Variants in TBC1D17 observed in about 807,000 individuals in gnomAD.
TBC1D17 encodes TBC1 domain family, member 17.
TBC1D17 carries 69 observed loss-of-function variants against 78.8 expected under a neutral mutation model. The observed-to-expected ratio is 0.88, with a 90% CI of 0.72 to 1.07. TBC1D17 has a LOEUF of 1.07. Among genes scored for constraint, TBC1D17 ranks in the 50% least tolerant of loss-of-function variants. The pLI is 0.00. For synonymous variants in TBC1D17, 456 were observed against 358.3 expected (o/e 1.27, Z -3.08); for missense variants, 957 against 861.0 (o/e 1.11, Z -1.39).
intron 3 of TBC1D17, 108 bp downstream of exon 3, chr19:49,878,680 T>C (rs1051369226): frequency 1.3e-5 from 13 of 1,032,816 alleles, no homozygotes; most frequent in Non-Finnish European, 1.9e-5. Flanking sequence ...TCGTGGGGCA[T>C]GTGTGACCCT....
At chr19:49,878,083 G>T in intron 1 of TBC1D17, 60 bp from the exon 2 acceptor site, 1 of 1,398,526 alleles carries the variant, frequency 7.2e-7, no homozygotes. Context: ...CGTCCCTATT[G>T]GCTCCCCAGG....
At chr19:49,879,347 C>T (rs1308548767) in intron 3 of TBC1D17, 6 of 152,320 alleles carry the variant, frequency 3.9e-5, no homozygotes, top group African/African-American at 1.4e-4. Flanking sequence ...TCGGCACCCA[C>T]AGAGCTAGTG....
At chr19:49,878,635 T>C in intron 3 of TBC1D17, 63 bp downstream of exon 3, 1 of 1,506,938 alleles carries the variant, frequency 6.6e-7, no homozygotes, top group Admixed American at 1.7e-5. Flanking sequence ...CTGTTGTAAG[T>C]CATTTGAGGG....
intron 3 of TBC1D17, among the ~76,000 whole-genome samples, chr19:49,880,010 T>A (rs967230183): frequency 6.6e-6 from 1 of 151,960 alleles, no homozygotes; most frequent in Non-Finnish European, 1.5e-5. Flanking sequence ...TGCGCCACCA[T>A]GCCTGGCTAA....
rs764765298 is a variant in TBC1D17, at chr19:49,887,868, C to G, written c.1659+34C>G. The G allele has an allele frequency of 2.6e-5, 40 of 1,547,738 alleles. No individual in the cohort carries two copies. The South Asian group carries it at 2.8e-4, about 11-fold the overall frequency. ...CCGGCCCCGCCCCCGCCCTGTCCCC[C>G]CTGAGCTGGGCGCTGCCCAGGGCCG... is the stretch of plus-strand genomic sequence containing the variant. On this transcript the variant is annotated intron_variant, in intron 15 of 16. Coordinates refer to ENST00000221543, the MANE Select transcript of TBC1D17 (RefSeq NM_024682.3).
intron 1 of TBC1D17, 77 bp from the exon 2 acceptor site, chr19:49,878,066 C>G: frequency 7.9e-7 from 1 of 1,258,264 alleles, no homozygotes; most frequent in Non-Finnish European, 1.1e-6. Context: ...TGGCTCCTCC[C>G]TGGGCCCGTC....
chr19:49,886,195 A>C (rs1367462864), intron 13 of TBC1D17, among the ~76,000 whole-genome samples: 1 of 151,886 alleles, frequency 6.6e-6, no homozygotes, highest in Non-Finnish European at 1.5e-5. Flanking sequence ...CAGGAGAATC[A>C]CTTGAGCCAA....
In TBC1D17 at chr19:49,881,395, T is replaced by C; in HGVS notation, c.447T>C (p.Gly149=). Residue 149 remains glycine (G), a synonymous_variant, in exon 5 of 17, where the codon GGT becomes GGC. Coordinates refer to ENST00000221543, the MANE Select transcript of TBC1D17 (RefSeq NM_024682.3). The part of the protein sequence containing the change: ...AYLVLVTQAG[G]SLPALHFHRG... ...TGGTTCTGGTGACCCAGGCTGGAGG[T>C]TCCCTGCCCGCACTGCACTTCCACC... 1.2e-6 allele frequency: 2 copies of C among 1,612,670 alleles called. No homozygotes were observed. The highest frequency in any genetic ancestry group is 1.7e-6 in the Non-Finnish European group (2 of 1,179,894).
At chr19:49,887,675 C>G (rs1286087818) in intron 14 of TBC1D17, 43 bp from the exon 15 acceptor site, 1 of 1,609,544 alleles carries the variant, frequency 6.2e-7, no homozygotes, top group Non-Finnish European at 8.5e-7. Context: ...CAGGCCCAGG[C>G]TGGGCTATGA....
At chr19:49,879,603 GTTTTTTTTT>G (rs60597315) in intron 3 of TBC1D17, 1 of 139,236 alleles carries the variant, frequency 7.2e-6, no homozygotes, top group Non-Finnish European at 1.6e-5. Context: ...TGTTGTTATT[GTTTTTTTTT>G]TTTTTTTTTG....
chr19:49,884,781 C>G (rs749561989), intron 13 of TBC1D17, 23 bp downstream of exon 13: 1 of 1,608,004 alleles, frequency 6.2e-7, no homozygotes, highest in Non-Finnish European at 8.5e-7. Context: ...GGAGGGTGGG[C>G]AGGAGACAAT....
At position 49,888,729 on chromosome 19, in the gene TBC1D17, A is replaced by G. The variant is rs1490595002; in HGVS notation, c.*105A>G. 9.4e-7 allele frequency: 1 copy of G among 1,068,938 alleles called. No homozygotes were observed. Among genetic ancestry groups the G allele is most frequent in the African/African-American group, 1.6e-5 (1 of 61,880 alleles). The allele number at this position is 1,068,938 out of a possible 1,614,324, so 66.2% of individuals were successfully genotyped here. ...GCCCTGCTGATAAGCTGGCTTCATT[A>G]AACTGACACTTCTCATGTGCAGTTG... is the stretch of plus-strand genomic sequence containing the variant. On this transcript the variant is annotated 3_prime_UTR_variant, in exon 17 of 17. Transcript: ENST00000221543.
chr19:49,882,165 A>C lies in TBC1D17; in HGVS notation c.639+13A>C. ...CAATGTGGTGTCAGTGAGTGTCCCC[A>C]GCAGGAGGCCTGGCGGGTGTGGGCA... On this transcript the variant is annotated intron_variant, in intron 6 of 16. Coordinates refer to ENST00000221543, the MANE Select transcript of TBC1D17 (RefSeq NM_024682.3). 23 of 1,613,934 alleles carry C rather than the reference A, an allele frequency of 1.4e-5. No individual in the cohort carries two copies. The highest frequency in any genetic ancestry group is 1.9e-5 in the Non-Finnish European group (23 of 1,179,956).
At chr19:49,885,674 A>T (rs566439316) in intron 13 of TBC1D17, 33 of 151,436 alleles carry the variant, frequency 2.2e-4, no homozygotes, top group African/African-American at 8.0e-4. Context: ...AAAAAGATTT[A>T]AAAATTAGCC....
Position 49,881,357 on chromosome 19 carries a change from A to G in TBC1D17, c.409A>G (p.Ser137Gly). 1.2e-6 allele frequency: 2 copies of G among 1,613,396 alleles called. No individual in the cohort carries two copies. The highest frequency in any genetic ancestry group is 1.7e-6 in the Non-Finnish European group (2 of 1,180,000). Residue 137 changes from serine (S) to glycine (G), a missense_variant, in exon 5 of 17, where the codon AGC becomes GGC. Coordinates refer to ENST00000221543, the MANE Select transcript of TBC1D17 (RefSeq NM_024682.3). Reference protein sequence around the residue: ...KSIRRSKPGLSWAYLVLVTQA... With the variant: ...KSIRRSKPGLGWAYLVLVTQA... ...CATCCGCCGCTCCAAGCCAGGCCTC[A>G]GCTGGGCCTACCTGGTTCTGGTGAC...
At chr19:49,888,367 C>T (rs1280303481) in intron 16 of TBC1D17, 50 bp downstream of exon 16, 1 of 1,549,860 alleles carries the variant, frequency 6.5e-7, no homozygotes, top group Non-Finnish European at 8.7e-7. Flanking sequence ...CGACCGACCC[C>T]CGCCCCCTTC....
Position 49,882,892 on chromosome 19 carries a change from G to A in TBC1D17, c.927G>A (p.Gly309=). 1 of 1,606,030 alleles carries A rather than the reference G, an allele frequency of 6.2e-7. No individual in the cohort carries two copies. Among genetic ancestry groups the A allele is most frequent in the Non-Finnish European group, 8.5e-7 (1 of 1,176,666 alleles). ...AGCTGAAGAACCGGATCTTCTCGGG[G>A]GTGAGTGCCAGGACAGGTGGAAGAA... The part of the protein sequence containing the change: ...VPELKNRIFS[G]GLSPSLRREA... Residue 309 remains glycine, a splice_region_variant and synonymous_variant, in exon 8 of 17, where the codon GGG becomes GGA. Transcript: ENST00000221543.
In TBC1D17 at chr19:49,883,672, G is replaced by C; in HGVS notation, c.1053G>C (p.Lys351Asn). The C allele has an allele frequency of 6.2e-7, 1 of 1,613,996 alleles. No individual in the cohort carries two copies. The highest frequency in any genetic ancestry group is 1.1e-5 in the South Asian group (1 of 91,090). Residue 351 changes from lysine (K) to asparagine (N), a missense_variant, in exon 10 of 17, where the codon AAG becomes AAC. Physicochemically the swap from Lys to Asn is moderately conservative, Grantham distance 94. Coordinates refer to ENST00000221543, the MANE Select transcript of TBC1D17 (RefSeq NM_024682.3). ...RKKTDEYFRM[K>N]LQWKSVSPEQ... is the part of the protein sequence containing the mutation. ...TCAGGGATGAGTATTTCCGCATGAA[G>C]CTGCAGTGGAAATCTGTGAGCCCTG... is the stretch of plus-strand genomic sequence containing the variant.
Position 49,888,543 on chromosome 19 carries a change from G to A in TBC1D17, c.1866G>A (p.Pro622=). The A allele has an allele frequency of 1.8e-6, 1 of 551,472 alleles. No homozygotes were observed. Among genetic ancestry groups the A allele is most frequent in the Non-Finnish European group, 2.7e-6 (1 of 367,262 alleles). 34.2% of individuals were successfully genotyped at this position (551,472 alleles called of 1,614,324 possible). A position where few individuals can be genotyped will look rare whatever the true frequency, so the allele number is the denominator to read the frequency against. ...CCACCCGGGCCCCGCCCACCCCGCC[G>A]CCCTCCACGGACACAGCCCCGCAGC... is the stretch of plus-strand genomic sequence containing the variant. The part of the protein sequence containing the change: ...LSPTRAPPTP[P]PSTDTAPQPD... Residue 622 remains proline, a synonymous_variant, in exon 17 of 17, where the codon CCG becomes CCA. Coordinates refer to ENST00000221543, the MANE Select transcript of TBC1D17 (RefSeq NM_024682.3).
Sources: allele counts gnomAD v4.1 joint callset (sites outside exome capture counted in the v4.1 genomes callset), GRCh38; gene constraint gnomAD v4.1.1; transcripts MANE v1.5; gene names NCBI Gene and HGNC (gene_info 2026-07-23, HGNC 2026-07-21).